The following COLEC10 variants were observed in gnomAD, a reference collection of about 807,000 sequenced individuals.
COLEC10 encodes the protein collectin subfamily member 10, also known as collectin-10.
COLEC10 carries 22 observed loss-of-function variants against 28.4 expected under a neutral mutation model. The observed-to-expected ratio is 0.78, with a 90% CI of 0.55 to 1.11. The LOEUF (loss-of-function observed/expected upper bound fraction) is 1.11. Ranked by LOEUF, COLEC10 falls within the 50% of genes least tolerant of loss-of-function variation. The pLI is 0.00. For synonymous variants in COLEC10, 125 were observed against 116.1 expected, an observed-to-expected ratio of 1.08 and a Z score of -0.49; for missense variants, 361 against 344.1, an observed-to-expected ratio of 1.05 and a Z score of -0.39.
At chr8:119,072,942 A>G (rs994260986) in intron 1 of COLEC10, among the ~76,000 whole-genome samples, 4 of 152,292 alleles carry the variant, frequency 2.6e-5, no homozygotes, top group East Asian at 1.9e-4. Flanking sequence ...AATTGACACA[A>G]CTTGAATTAT....
chr8:119,027,944 T>A (rs1814222555), intron 2 of COLEC10, among the ~76,000 whole-genome samples: 1 of 152,192 alleles, frequency 6.6e-6, no homozygotes, highest in Non-Finnish European at 1.5e-5. Context: ...TCAGTTCACA[T>A]TAGTGTAGTA....
Position 119,106,243 on chromosome 8 carries a change from T to A in COLEC10, c.*52T>A. Reference sequence around the variant, plus strand: ...TTTCCTGTGACCGTCATTACAGTTATTGTTATCCATCCTTTTTTTCCTGAT... The same window carrying A: ...TTTCCTGTGACCGTCATTACAGTTAATGTTATCCATCCTTTTTTTCCTGAT... On this transcript the variant is annotated 3_prime_UTR_variant, in exon 6 of 6. Transcript: ENST00000332843. 6.6e-7 allele frequency: 1 copy of A among 1,525,822 alleles called. No individual in the cohort carries two copies. Among genetic ancestry groups the A allele is most frequent in the Non-Finnish European group, 8.9e-7 (1 of 1,128,700 alleles). 94.5% of individuals were successfully genotyped at this position (1,525,822 alleles called of 1,614,324 possible). A position where few individuals can be genotyped will look rare whatever the true frequency, so the allele number is the denominator to read the frequency against.
At chr8:119,083,013 CATA>C (rs1227441790) in intron 1 of COLEC10, among the ~76,000 whole-genome samples, 1 of 152,166 alleles carries the variant, frequency 6.6e-6, no homozygotes, top group East Asian at 1.9e-4. Flanking sequence ...AGGAACCTCT[CATA>C]ATCATTATCT....
upstream of COLEC10, among the ~76,000 whole-genome samples, chr8:118,992,324 C>T (rs917141219): frequency 5.9e-5 from 9 of 152,056 alleles, no homozygotes; most frequent in African/African-American, 2.2e-4. Context: ...AATGGAAAAG[C>T]TTTAGGGGTC....
intron 1 of COLEC10, among the ~76,000 whole-genome samples, chr8:119,006,449 T>G (rs1023696256): frequency 6.6e-6 from 1 of 152,084 alleles, no homozygotes; most frequent in African/African-American, 2.4e-5. Flanking sequence ...TAAACTACCT[T>G]CACTATAAAT....
intron 3 of COLEC10, among the ~76,000 whole-genome samples, chr8:119,098,637 A>G (rs1815765641): frequency 1.3e-5 from 2 of 152,116 alleles, no homozygotes. Context: ...CACTTGCTAG[A>G]TGTTTGTTGC....
intron 3 of COLEC10, among the ~76,000 whole-genome samples, chr8:119,094,714 G>A (rs1815676300): frequency 6.6e-6 from 1 of 152,094 alleles, no homozygotes; most frequent in East Asian, 1.9e-4. Flanking sequence ...CTGTCAAAGA[G>A]GAATGGCCCA....
the COLEC10 span, among the ~76,000 whole-genome samples, chr8:118,987,997 C>T: frequency 2.0e-5 from 3 of 152,108 alleles, no homozygotes; most frequent in Admixed American, 6.6e-5. Flanking sequence ...TACCAGAGAA[C>T]CAGGGGCTCA....
chr8:119,053,396 A>G (rs1797973839), intron 2 of COLEC10, among the ~76,000 whole-genome samples: 1 of 152,276 alleles, frequency 6.6e-6, no homozygotes, highest in Non-Finnish European at 1.5e-5. Flanking sequence ...TCATTTAAGG[A>G]TGAAAGAGCA....
At position 119,049,401 on chromosome 8, in the gene COLEC10, C is replaced by CTTTTTTTTTTT. The variant is rs34885340; in HGVS notation, n.235+39869_235+39879dup. On this transcript the variant is annotated intron_variant and non_coding_transcript_variant, in intron 2 of 6. Transcript: ENST00000521788. Reference sequence around the variant, plus strand: ...TGATGAAGCATAGGTATTTTCTTTTCTTTTTTTTTTTTTTTTTTTTTTTTT... The same window carrying CTTTTTTTTTTT: ...TGATGAAGCATAGGTATTTTCTTTTCTTTTTTTTTTTTTTTTTTTTTTTTTTTTTTTTTTTT... Among the ~76,000 whole-genome samples, 36 of 60,072 alleles carry CTTTTTTTTTTT rather than the reference C, an allele frequency of 6.0e-4. 7 individuals are homozygous for CTTTTTTTTTTT. The highest frequency in any genetic ancestry group is 9.5e-4 in the African/African-American group (13 of 13,636). The allele number at this position is 60,072 out of a possible 152,430, so 39.4% of individuals were successfully genotyped here. A position where few individuals can be genotyped will look rare whatever the true frequency, so the allele number is the denominator to read the frequency against.
At chr8:118,955,188 T>C in the COLEC10 span, among the ~76,000 whole-genome samples, 1 of 152,222 alleles carries the variant, frequency 6.6e-6, no homozygotes, top group East Asian at 1.9e-4. Context: ...TTTATTAATG[T>C]TTATAATTTC....
At chr8:119,024,459 G>T (rs1026021017) in intron 2 of COLEC10, among the ~76,000 whole-genome samples, 1 of 151,990 alleles carries the variant, frequency 6.6e-6, no homozygotes, top group Non-Finnish European at 1.5e-5. Context: ...GGGGTTCATG[G>T]AGCATCTTGG....
At chr8:118,955,843 A>G in the COLEC10 span, among the ~76,000 whole-genome samples, 1 of 152,204 alleles carries the variant, frequency 6.6e-6, no homozygotes, top group African/African-American at 2.4e-5. Context: ...TGAAGAGGTG[A>G]GTAGACAGTG....
intron 2 of COLEC10, among the ~76,000 whole-genome samples, chr8:119,023,783 G>A (rs377054955): frequency 4.4e-4 from 67 of 152,030 alleles, no homozygotes; most frequent in African/African-American, 1.5e-3. Flanking sequence ...TGCATTCTAT[G>A]AAAGCTACAA....
At chr8:119,040,704 C>A (rs1469733691) in intron 2 of COLEC10, among the ~76,000 whole-genome samples, 5 of 152,176 alleles carry the variant, frequency 3.3e-5, no homozygotes, top group Non-Finnish European at 7.3e-5. Context: ...GGACCATTTA[C>A]AGACAGATGT....
upstream of COLEC10, among the ~76,000 whole-genome samples, chr8:118,992,736 C>A (rs1257128495): frequency 1.3e-5 from 2 of 152,084 alleles, no homozygotes; most frequent in African/African-American, 4.8e-5. Flanking sequence ...ATTGAATATT[C>A]TGGTTATAAT....
intron 2 of COLEC10, among the ~76,000 whole-genome samples, chr8:119,058,373 A>T (rs1198943338): frequency 6.6e-6 from 1 of 152,010 alleles, no homozygotes; most frequent in Non-Finnish European, 1.5e-5. Flanking sequence ...GATTTATAAT[A>T]CAGCCATCAC....
intron 2 of COLEC10, among the ~76,000 whole-genome samples, chr8:119,037,541 C>A (rs1162751406): frequency 6.6e-6 from 1 of 152,102 alleles, no homozygotes; most frequent in Non-Finnish European, 1.5e-5. Flanking sequence ...GAGATCCCAG[C>A]CCTAGAGCTG....
chr8:118,953,482 A>G, the COLEC10 span, among the ~76,000 whole-genome samples: 1 of 152,194 alleles, frequency 6.6e-6, no homozygotes, highest in Non-Finnish European at 1.5e-5. Flanking sequence ...TCAGAACATA[A>G]AATGATGCCA....
Sources: allele counts gnomAD v4.1 joint callset (sites outside exome capture counted in the v4.1 genomes callset), GRCh38; gene constraint gnomAD v4.1.1; transcripts MANE v1.5; gene names NCBI Gene and HGNC (gene_info 2026-07-23, HGNC 2026-07-21).